Variants in CCDC33 observed in about 807,000 individuals in gnomAD.
CCDC33 encodes the protein coiled-coil domain-containing protein 33.
CCDC33 carries 94 observed loss-of-function variants against 91.9 expected under a neutral mutation model. That is an observed-to-expected ratio of 1.02 (90% CI 0.87 to 1.21). The LOEUF (loss-of-function observed/expected upper bound fraction) is 1.21, where lower values mean the gene tolerates loss of function less well. Among genes scored for constraint, CCDC33 ranks in the 50% most tolerant of loss-of-function variants. The pLI is 0.00. For synonymous variants in CCDC33, 396 were observed against 374.5 expected (o/e 1.06, Z -0.66); for missense variants, 940 against 935.5 (o/e 1.00, Z -0.06).
At chr15:74,324,089 C>CAA (rs55758894) in intron 11 of CCDC33, among the ~76,000 whole-genome samples, 966 of 71,866 alleles carry the variant, frequency 0.013, 19 homozygotes, top group African/African-American at 0.044. Context: ...GACTCCATCT[C>CAA]AAAAAAAAAA....
intron 2 of CCDC33, among the ~76,000 whole-genome samples, chr15:74,225,501 C>A (rs542296861): frequency 4.2e-4 from 64 of 151,528 alleles, no homozygotes; most frequent in Non-Finnish European, 8.5e-4. Context: ...ACACAGACCT[C>A]CAGCATCCTC....
rs913319500 is a variant in CCDC33 at position 74,295,593 on chromosome 15, C to T, written c.1096-161C>T. On this transcript the variant is annotated intron_variant, in intron 10 of 18. Coordinates refer to ENST00000398814, the MANE Select transcript of CCDC33 (RefSeq NM_025055.5). ...CAGCAAGGGCCATGTATTTGGGACC[C>T]GGTGAGCAAGGGGCAGATGGTAGGA... Among the ~76,000 whole-genome samples, 76 of 152,082 alleles carry T rather than the reference C, an allele frequency of 5.0e-4. 1 individual carries two copies. Among genetic ancestry groups the T allele is most frequent in the Non-Finnish European group, 1.8e-4 (12 of 68,006 alleles).
rs115414963 is a variant in CCDC33, at chr15:74,258,384, G to A, written c.186-4056G>A. On this transcript the variant is annotated intron_variant, in intron 2 of 18. Transcript: ENST00000398814. The stretch of plus-strand genomic sequence containing the variant: ...ATTGGCACTCAAAACAAACCAGGCC[G>A]CCTGTGCCCCAGCTTCTAAAGCTCT... 3.2e-3 allele frequency among the ~76,000 whole-genome samples: 485 copies of A among 152,292 alleles called. 4 individuals are homozygous for A. Among genetic ancestry groups the A allele is most frequent in the African/African-American group, 0.011 (452 of 41,554 alleles).
At position 74,218,344 on chromosome 15, in the gene CCDC33, T is replaced by C. The variant is rs1350211189; in HGVS notation, c.311-153T>C. ...GCCATGGGTGGGGCCTAGGAGGGAG[T>C]CGCCTACCAGGGAAATCTTAGCCAA... is the stretch of plus-strand genomic sequence containing the variant. On this transcript the variant is annotated intron_variant, in intron 1 of 2. Transcript: ENST00000635913. The surrounding 1 kb of genome is among the most constrained non-coding windows in gnomAD (Gnocchi z 4.8). Among the ~76,000 whole-genome samples, 1 of 151,500 alleles carries C rather than the reference T, an allele frequency of 6.6e-6. No homozygotes were observed. The highest frequency in any genetic ancestry group is 2.0e-4 in the East Asian group (1 of 5,118).
chr15:74,215,840 C>A (rs1339904198), upstream of CCDC33, among the ~76,000 whole-genome samples: 1 of 144,914 alleles, frequency 6.9e-6, no homozygotes. Flanking sequence ...CACTGCACTC[C>A]AGCCTGGGCA....
chr15:74,209,492 A>T, exon 2 of CCDC33: 2 of 1,501,642 alleles, frequency 1.3e-6, no homozygotes, highest in Non-Finnish European at 1.8e-6. Flanking sequence ...CCCTGACCAC[A>T]GCTAAGGGGA....
At chr15:74,271,844 G>T in intron 6 of CCDC33, 50 bp downstream of exon 6, 1 of 1,501,768 alleles carries the variant, frequency 6.7e-7, no homozygotes. Flanking sequence ...GCAGAGGGCA[G>T]AGGAGGGGGT....
chr15:74,308,709 A>G (rs1326182710), intron 11 of CCDC33, among the ~76,000 whole-genome samples: 1 of 152,232 alleles, frequency 6.6e-6, no homozygotes, highest in Non-Finnish European at 1.5e-5. Context: ...AAGCCTCTGC[A>G]GCAGAATTTT....
chr15:74,218,528 T>C lies in CCDC33; in HGVS notation c.342T>C (p.Ala114=), dbSNP rs531462800. 934 of 1,289,230 alleles carry C rather than the reference T, an allele frequency of 7.2e-4. 8 individuals are homozygous for C. In the South Asian group the frequency reaches 9.7e-3, roughly 13 times the overall value. The allele number at this position is 1,289,230 out of a possible 1,614,324, so 79.9% of individuals were successfully genotyped here. Residue 114 remains alanine (A), a synonymous_variant, in exon 2 of 3, where the codon GCT becomes GCC. Coordinates refer to the CCDC33 transcript ENST00000635913. The surrounding 1 kb of genome is among the most constrained non-coding windows in gnomAD (Gnocchi z 4.8). Reference sequence around the variant, plus strand: ...GCAAGAATGACGGGCAGCATGATGCTCAGCTGCATGTGGAGGCACTGAGGC... The same window carrying C: ...GCAAGAATGACGGGCAGCATGATGCCCAGCTGCATGTGGAGGCACTGAGGC...
At chr15:74,242,769 A>G (rs531247665) in intron 1 of CCDC33, among the ~76,000 whole-genome samples, 47 of 152,116 alleles carry the variant, frequency 3.1e-4, no homozygotes, top group Non-Finnish European at 6.3e-4. Context: ...CAGCAGCCTC[A>G]TGGCCACACC....
At chr15:74,332,644 G>A in intron 15 of CCDC33, 35 bp from the exon 16 acceptor site, 1 of 1,606,788 alleles carries the variant, frequency 6.2e-7, no homozygotes, top group Non-Finnish European at 8.5e-7. Context: ...AAGCAGGAGA[G>A]CCCATCTCAC....
intron 2 of CCDC33, among the ~76,000 whole-genome samples, chr15:74,222,176 T>C (rs1197604154): frequency 6.6e-6 from 1 of 152,252 alleles, no homozygotes; most frequent in Non-Finnish European, 1.5e-5. Context: ...ACAACGCTTC[T>C]GGTACCTCAC....
chr15:74,245,203 G>T (rs1166762392), intron 2 of CCDC33, among the ~76,000 whole-genome samples: 1 of 152,158 alleles, frequency 6.6e-6, no homozygotes, highest in Non-Finnish European at 1.5e-5. Flanking sequence ...CCTCAACAAT[G>T]CATCCAACAT....
In CCDC33 at chr15:74,266,726, C is replaced by T; in HGVS notation, c.368C>T (p.Ser123Phe). 6.2e-7 allele frequency: 1 copy of T among 1,614,200 alleles called. No individual in the cohort carries two copies. The change falls in exon 4 of 19, where the codon TCC becomes TTC. Residue 123 changes from serine to phenylalanine, a missense_variant. Coordinates refer to ENST00000398814, the MANE Select transcript of CCDC33 (RefSeq NM_025055.5). Reference protein sequence around the residue: ...VDNRKKQELLSYKIPIKYLRV... With the variant: ...VDNRKKQELLFYKIPIKYLRV... ...AACAGAAAGAAACAGGAGTTGTTGT[C>T]CTACAAAATCCCCATCAAGTACCTG... is the stretch of plus-strand genomic sequence containing the variant.
At chr15:74,293,619 C>T (rs544686012) in intron 10 of CCDC33, among the ~76,000 whole-genome samples, 1 of 152,280 alleles carries the variant, frequency 6.6e-6, no homozygotes, top group Non-Finnish European at 1.5e-5. Context: ...CAAGTGAAGC[C>T]TGCCCTCTGT....
intron 11 of CCDC33, chr15:74,299,925 T>C (rs2279376): frequency 0.096 from 14,615 of 152,376 alleles, 1,021 homozygotes; most frequent in African/African-American, 0.2. Context: ...CTATTTCTAC[T>C]TCTGACACTT....
rs56039521 is a variant in CCDC33, at chr15:74,221,216, G to GTTT, written c.675+2380_675+2382dup. The GTTT allele has an allele frequency of 9.5e-3, 6,433 of 675,088 alleles. 14 individuals are homozygous for GTTT. Among genetic ancestry groups the GTTT allele is most frequent in the South Asian group, 0.017 (208 of 12,368 alleles). 41.8% of individuals were successfully genotyped at this position (675,088 alleles called of 1,614,324 possible). A position where few individuals can be genotyped will look rare whatever the true frequency, so the allele number is the denominator to read the frequency against. On this transcript the variant is annotated intron_variant, in intron 2 of 2. Transcript: ENST00000635913. ...CCAGTTTGTGTAGTGTGTGGCACTGGTTTTTTTTTTTTTTTTTTTTTTTTT... is the reference window on the plus strand; with the variant it reads ...CCAGTTTGTGTAGTGTGTGGCACTGGTTTTTTTTTTTTTTTTTTTTTTTTTTTT...
chr15:74,237,998 C>A (rs1284124862), intron 1 of CCDC33, among the ~76,000 whole-genome samples: 1 of 151,310 alleles, frequency 6.6e-6, no homozygotes, highest in Non-Finnish European at 1.5e-5. Flanking sequence ...TGTGTTGGTG[C>A]ACGTCTGTAA....
chr15:74,323,358 T>C (rs964074324), intron 11 of CCDC33, among the ~76,000 whole-genome samples: 17 of 151,990 alleles, frequency 1.1e-4, no homozygotes, highest in Middle Eastern at 3.4e-3. Flanking sequence ...ATAATTATTA[T>C]AAATTATTAT....
Sources: allele counts gnomAD v4.1 joint callset (sites outside exome capture counted in the v4.1 genomes callset), GRCh38; gene constraint gnomAD v4.1.1; non-coding constraint Gnocchi (gnomAD v3.1); transcripts MANE v1.5; gene names NCBI Gene and HGNC (gene_info 2026-07-23, HGNC 2026-07-21).